The following CCDC90B variants were observed in gnomAD, a reference collection of about 807,000 sequenced individuals.
The protein encoded by CCDC90B is coiled-coil domain-containing protein 90B, mitochondrial.
In CCDC90B, 24 loss-of-function variants were observed where a neutral mutation model predicts 37.0. The ratio of observed to expected loss-of-function variants is 0.65; its 90% CI spans 0.47 to 0.91. CCDC90B has a LOEUF of 0.91. Among genes scored for constraint, CCDC90B ranks in the 40% least tolerant of loss-of-function variants. CCDC90B has a pLI of 0.00. For missense variants in CCDC90B, 319 were observed against 299.0 expected (o/e 1.07, Z -0.49); for synonymous variants, 113 against 101.1 (o/e 1.12, Z -0.71).
chr11:83,285,694 C>T (rs903652105), intron 1 of CCDC90B, 179 bp downstream of exon 1: 16 of 1,432,236 alleles, frequency 1.1e-5, no homozygotes, highest in Non-Finnish European at 1.5e-5. Context: ...TCAGTCCTCG[C>T]CCCTTGGGGC....
intron 4 of CCDC90B, 52 bp downstream of exon 4, chr11:83,274,587 G>T: frequency 9.7e-7 from 1 of 1,035,788 alleles, no homozygotes; most frequent in Non-Finnish European, 1.4e-6. Flanking sequence ...TAAGTAGGAT[G>T]CTTATTATGA....
chr11:83,267,147 G>A (rs946336221), intron 7 of CCDC90B: 2 of 152,256 alleles, frequency 1.3e-5, no homozygotes, highest in Non-Finnish European at 2.9e-5. Context: ...AAACAACAAA[G>A]ATGGGGAAAA....
At position 83,274,680 on chromosome 11, in the gene CCDC90B, G is replaced by C; in HGVS notation, c.385C>G (p.Leu129Val). ...LDAIRKDMVI[L>V]EKSEFANLRA... ...AGATTTGCAAATTCACTTTTCTCTAGGATGACCATGTCTTTCCTGATAGCA... is the reference window on the plus strand; with the variant it reads ...AGATTTGCAAATTCACTTTTCTCTACGATGACCATGTCTTTCCTGATAGCA... The change falls in exon 4 of 9, where the codon CTA (leucine) becomes GTA (valine). Residue 129 changes from leucine (L) to valine (V), a missense_variant. By Grantham distance (32) the Leu-to-Val change is conservative. Coordinates refer to ENST00000529689, the MANE Select transcript of CCDC90B (RefSeq NM_021825.5). 1 of 1,609,484 alleles carries C rather than the reference G, an allele frequency of 6.2e-7. No homozygotes were observed. Among genetic ancestry groups the C allele is most frequent in the Non-Finnish European group, 8.5e-7 (1 of 1,177,738 alleles).
At chr11:83,278,453 A>G (rs1865174247) in intron 3 of CCDC90B, among the ~76,000 whole-genome samples, 1 of 152,234 alleles carries the variant, frequency 6.6e-6, no homozygotes, top group African/African-American at 2.4e-5. Context: ...TTCACAAACA[A>G]TCTACCACCA....
chr11:83,275,967 G>A (rs1289700692), intron 3 of CCDC90B, among the ~76,000 whole-genome samples: 1 of 152,220 alleles, frequency 6.6e-6, no homozygotes, highest in Non-Finnish European at 1.5e-5. Flanking sequence ...TATTACCGAT[G>A]GGACAGGGAT....
At chr11:83,273,906 G>C (rs563753212) in intron 5 of CCDC90B, 42 bp from the exon 6 acceptor site, 1 of 1,593,182 alleles carries the variant, frequency 6.3e-7, no homozygotes, top group Admixed American at 1.8e-5. Context: ...ATCTTGTAAC[G>C]AATATTTGTT....
intron 1 of CCDC90B, 83 bp downstream of exon 1, chr11:83,285,790 C>G (rs549941667): frequency 1.1e-5 from 17 of 1,511,328 alleles, no homozygotes; most frequent in Admixed American, 6.4e-5. Context: ...CTTCTCTTCC[C>G]GTTCGCTCGA....
chr11:83,269,157 A>G lies in CCDC90B; in HGVS notation c.595-3178T>C, dbSNP rs192767330. ...TATAGCACTAAATGCCCACAAGAGA[A>G]AGCAGGAAAGATCTAAAATCGACAC... On this transcript the variant is annotated intron_variant, in intron 7 of 8. Coordinates refer to ENST00000529689, the MANE Select transcript of CCDC90B (RefSeq NM_021825.5). 1.9e-3 allele frequency among the ~76,000 whole-genome samples: 297 copies of G among 152,320 alleles called. 4 individuals are homozygous for G. Among genetic ancestry groups the G allele is most frequent in the East Asian group, 5.2e-3 (27 of 5,190 alleles).
At position 83,274,624 on chromosome 11, in the gene CCDC90B, T is replaced by G. The variant is rs761149646; in HGVS notation, c.426+15A>C. 1 of 1,502,728 alleles carries G rather than the reference T, an allele frequency of 6.7e-7. No individual in the cohort carries two copies. The highest frequency in any genetic ancestry group is 1.2e-5 in the South Asian group (1 of 83,912). 93.1% of individuals were successfully genotyped at this position (1,502,728 alleles called of 1,614,324 possible). A position where few individuals can be genotyped will look rare whatever the true frequency, so the allele number is the denominator to read the frequency against. Reference sequence around the variant, plus strand: ...ATCAGTTATTTTATAAGTAATAAATTAAAATTTGTATCACCTCATTCTCTG... The same window carrying G: ...ATCAGTTATTTTATAAGTAATAAATGAAAATTTGTATCACCTCATTCTCTG... On this transcript the variant is annotated intron_variant, in intron 4 of 8. Transcript: ENST00000529689.
At position 83,273,635 on chromosome 11, in the gene CCDC90B, A is replaced by C. The variant is rs557547702; in HGVS notation, c.594+12T>G. The C allele has an allele frequency of 4.5e-6, 7 of 1,566,712 alleles. No homozygotes were observed. The highest frequency in any genetic ancestry group is 2.1e-4 in the Middle Eastern group (1 of 4,808). On this transcript the variant is annotated intron_variant, in intron 7 of 8. Transcript: ENST00000529689. The stretch of plus-strand genomic sequence containing the variant: ...AACTGTACAAAAGAGACATTTTTAC[A>C]TATTACTTTACCTTTTTTGTAAATT...
intron 2 of CCDC90B, among the ~76,000 whole-genome samples, chr11:83,279,508 T>A (rs912212674): frequency 2.0e-5 from 3 of 152,192 alleles, no homozygotes; most frequent in African/African-American, 7.2e-5. Context: ...TATTTATTTT[T>A]CTGTGTTCTG....
At chr11:83,267,905 G>T (rs150522943) in intron 7 of CCDC90B, among the ~76,000 whole-genome samples, 1,754 of 152,274 alleles carry the variant, frequency 0.012, 16 homozygotes, top group Non-Finnish European at 0.017. Context: ...ACTAACAGCG[G>T]ACCTCTTGGC....
Position 83,261,942 on chromosome 11 carries a change from A to G in CCDC90B, c.734T>C (p.Ile245Thr). 1.9e-6 allele frequency: 3 copies of G among 1,602,420 alleles called. No homozygotes were observed. The highest frequency in any genetic ancestry group is 2.6e-6 in the Non-Finnish European group (3 of 1,174,216). ...CCAGAATCTATAAAATCCCAATGCT[A>G]TTGCCAGGCAAGTAAACACCGAAGC... ...LAASVFTCLA[I>T]ALGFYRFWK is the part of the protein sequence containing the mutation. Residue 245 changes from isoleucine (I) to threonine (T), a missense_variant, in exon 9 of 9, where the codon ATA becomes ACA. By Grantham distance (89) the Ile-to-Thr change is moderately conservative. Coordinates refer to ENST00000529689, the MANE Select transcript of CCDC90B (RefSeq NM_021825.5).
rs150028275 is a variant in CCDC90B, at chr11:83,259,657, A to T, written c.*2254T>A. On this transcript the variant is annotated 3_prime_UTR_variant, in exon 9 of 9. Transcript: ENST00000529689. ...TTATTTGCTGATAAAACTATTGGAG[A>T]AGTTTTTTTTTAGGAGACAGGGTCT... 2.0e-4 allele frequency: 30 copies of T among 152,236 alleles called. No individual in the cohort carries two copies. The East Asian group carries it at 4.8e-3, about 25-fold the overall frequency. 9.4% of individuals were successfully genotyped at this position (152,236 alleles called of 1,614,324 possible).
chr11:83,264,600 G>A (rs998404753), intron 8 of CCDC90B, among the ~76,000 whole-genome samples: 2 of 152,104 alleles, frequency 1.3e-5, no homozygotes, highest in Admixed American at 6.6e-5. Context: ...AGGGTAACCC[G>A]ACCTTTTTCT....
At chr11:83,264,927 G>C (rs559595397) in intron 8 of CCDC90B, among the ~76,000 whole-genome samples, 4 of 135,812 alleles carry the variant, frequency 2.9e-5, no homozygotes, top group Non-Finnish European at 6.1e-5. Context: ...ATGGACACAG[G>C]AAGGGGAACA....
At chr11:83,268,455 A>G (rs1202059907) in intron 7 of CCDC90B, among the ~76,000 whole-genome samples, 1 of 151,776 alleles carries the variant, frequency 6.6e-6, no homozygotes. Context: ...AGGGGTTGCA[A>G]TCCTAGTCTC....
chr11:83,284,206 G>T (rs1360317762), intron 1 of CCDC90B, among the ~76,000 whole-genome samples: 1 of 152,162 alleles, frequency 6.6e-6, no homozygotes. Context: ...AAACTCAAGA[G>T]TTTAAAGGTT....
chr11:83,266,049 A>G (rs891798316), intron 7 of CCDC90B, 70 bp from the exon 8 acceptor site: 4 of 782,854 alleles, frequency 5.1e-6, no homozygotes, highest in Non-Finnish European at 8.7e-6. Context: ...CATTTACATT[A>G]TAAACCCTCA....
Sources: gnomAD v4.1 joint callset for allele counts (sites outside exome capture counted in the v4.1 genomes callset) on GRCh38, gnomAD v4.1.1 for gene constraint, MANE v1.5 for transcripts, NCBI Gene and HGNC (gene_info 2026-07-23, HGNC 2026-07-21) for gene names.